The following AZIN2 variants were observed in gnomAD, a reference collection of about 807,000 sequenced individuals.
The protein encoded by AZIN2 is ODC antizyme inhibitor-2.
AZIN2 carries 28 observed loss-of-function variants against 47.8 expected under a neutral mutation model. That is an observed-to-expected ratio of 0.59 (90% CI 0.43 to 0.80). The LOEUF is 0.80. Ranked by LOEUF, AZIN2 falls within the 30% of genes least tolerant of loss-of-function variation. The pLI is 0.00. For missense variants in AZIN2, 535 were observed against 582.5 expected, an observed-to-expected ratio of 0.92 and a Z score of 0.84; for synonymous variants, 221 against 239.4, an observed-to-expected ratio of 0.92 and a Z score of 0.71.
At chr1:33,093,655 G>T (rs1247994501) in intron 7 of AZIN2, among the ~76,000 whole-genome samples, 1 of 151,988 alleles carries the variant, frequency 6.6e-6, no homozygotes, top group East Asian at 1.9e-4. Flanking sequence ...ACCTGGCTTT[G>T]AGGGAGTCTT....
the AZIN2 span, among the ~76,000 whole-genome samples, chr1:33,150,525 T>C: frequency 6.6e-6 from 1 of 152,238 alleles, no homozygotes; most frequent in Non-Finnish European, 1.5e-5. Flanking sequence ...GAGGGCTGTA[T>C]GGAAGTAATT....
At chr1:33,147,046 G>T in the AZIN2 span, 1 of 908,712 alleles carries the variant, frequency 1.1e-6, no homozygotes, top group Non-Finnish European at 1.7e-6. The surrounding 1 kb of genome is among the most constrained non-coding windows in gnomAD (Gnocchi z 8.1). Flanking sequence ...CAGACTGGAG[G>T]CTGGAGGGTA....
At chr1:33,118,201 G>A in intron 11 of AZIN2, 85 bp downstream of exon 11, 1 of 1,392,646 alleles carries the variant, frequency 7.2e-7, no homozygotes, top group Non-Finnish European at 9.5e-7. Flanking sequence ...TTCTGCTTCT[G>A]TGTAATCCAA....
Position 33,082,183 on chromosome 1 carries a change from T to G in AZIN2, c.-67T>G. 1 of 1,346,742 alleles carries G rather than the reference T, an allele frequency of 7.4e-7. No individual in the cohort carries two copies. The highest frequency in any genetic ancestry group is 1.1e-6 in the Non-Finnish European group (1 of 947,988). The allele number at this position is 1,346,742 out of a possible 1,614,324, so 83.4% of individuals were successfully genotyped here. A position where few individuals can be genotyped will look rare whatever the true frequency, so the allele number is the denominator to read the frequency against. ...CATCTCCCCTCGCCCCGCAGTGTGT[T>G]GCATACTTTCTAAGGCGGCGGCTGC... On this transcript the variant is annotated 5_prime_UTR_variant, in exon 4 of 12. Transcript: ENST00000294517.
chr1:33,162,195 A>G, the AZIN2 span, among the ~76,000 whole-genome samples: 1 of 152,136 alleles, frequency 6.6e-6, no homozygotes, highest in Non-Finnish European at 1.5e-5. Flanking sequence ...GCTCCTTGAC[A>G]CATAGTAAAA....
the AZIN2 span, among the ~76,000 whole-genome samples, chr1:33,154,024 C>G: frequency 6.6e-6 from 1 of 152,156 alleles, no homozygotes; most frequent in Non-Finnish European, 1.5e-5. Flanking sequence ...GTTTTATAAA[C>G]TAAGATGCCA....
chr1:33,149,768 C>G, the AZIN2 span, among the ~76,000 whole-genome samples: 1 of 152,192 alleles, frequency 6.6e-6, no homozygotes, highest in African/African-American at 2.4e-5. Context: ...AATTCTTTAG[C>G]TTTATTTGTG....
At chr1:33,083,654 G>A (rs537333043) in intron 4 of AZIN2, 2 of 447,214 alleles carry the variant, frequency 4.5e-6, no homozygotes, top group Non-Finnish European at 8.3e-6. Context: ...CACAGGAGTG[G>A]GGAGGGTATT....
chr1:33,159,504 GC>G, the AZIN2 span, among the ~76,000 whole-genome samples: 1 of 152,148 alleles, frequency 6.6e-6, no homozygotes, highest in East Asian at 1.9e-4. This position sits in a 1 kb window ranked among gnomAD's most constrained non-coding sequence, Gnocchi z 4.2. Flanking sequence ...TCTAGTTCAA[GC>G]CTCACTGGCT....
chr1:33,147,408 G>C, the AZIN2 span: 1 of 1,614,162 alleles, frequency 6.2e-7, no homozygotes, highest in South Asian at 1.1e-5. This position sits in a 1 kb window ranked among gnomAD's most constrained non-coding sequence, Gnocchi z 8.1. Context: ...GCTCCGTGCA[G>C]GCGCTGTACT....
chr1:33,098,479 A>G (rs1432920940), intron 10 of AZIN2, among the ~76,000 whole-genome samples: 1 of 152,114 alleles, frequency 6.6e-6, no homozygotes, highest in African/African-American at 2.4e-5. Context: ...ATGCTTTTGT[A>G]TTTTAACCAA....
At chr1:33,145,358 C>G in the AZIN2 span, 1 of 156,722 alleles carries the variant, frequency 6.4e-6, no homozygotes, top group East Asian at 1.9e-4. Flanking sequence ...TGGGACAGAG[C>G]TGGGTGGGCC....
chr1:33,096,505 C>T (rs1425695364), intron 8 of AZIN2, among the ~76,000 whole-genome samples: 4 of 152,282 alleles, frequency 2.6e-5, no homozygotes, highest in East Asian at 1.9e-4. Context: ...TACACAAGCA[C>T]GAGGCTCTCT....
intron 10 of AZIN2, among the ~76,000 whole-genome samples, chr1:33,115,618 C>T (rs1362334117): frequency 6.7e-3 from 1 of 150 alleles, no homozygotes; most frequent in Non-Finnish European, 0.012. Context: ...ACAGGAGAAT[C>T]GCTGAACCCA....
In AZIN2 at chr1:33,120,179, G is replaced by A; in HGVS notation, c.1380G>A (p.Met460Ile). 6.2e-7 allele frequency: 1 copy of A among 1,604,120 alleles called. No homozygotes were observed. The highest frequency in any genetic ancestry group is 8.5e-7 in the Non-Finnish European group (1 of 1,172,108). ...VGPVFTPASI[M>I] The stretch of plus-strand genomic sequence containing the variant: ...CTGTCTTCACCCCAGCGAGCATCAT[G>A]TGAGTGGGCCTCGTTCCCCCCGGAG... The change falls in exon 12 of 12, where the codon ATG (methionine) becomes ATA (isoleucine). Residue 460 changes from methionine to isoleucine, a missense_variant. By Grantham distance (10) the Met-to-Ile change is conservative (BLOSUM62 1). This residue lies in a region of AZIN2 where 122 missense variants were observed against 135.8 expected (regional missense o/e 0.90). Coordinates refer to ENST00000294517, the MANE Select transcript of AZIN2 (RefSeq NM_052998.4).
chr1:33,165,182 C>T, the AZIN2 span: 1 of 312,806 alleles, frequency 3.2e-6, no homozygotes, highest in South Asian at 5.4e-5. This position sits in a 1 kb window ranked among gnomAD's most constrained non-coding sequence, Gnocchi z 4.0. Flanking sequence ...GTCCCGGGAC[C>T]CGCCTCAACT....
At chr1:33,160,036 A>G in the AZIN2 span, 1 of 1,528,974 alleles carries the variant, frequency 6.5e-7, no homozygotes, top group Non-Finnish European at 8.8e-7. Flanking sequence ...TGACACACAG[A>G]GAGGAAAGGG....
chr1:33,151,773 G>C, the AZIN2 span, among the ~76,000 whole-genome samples: 1 of 152,220 alleles, frequency 6.6e-6, no homozygotes, highest in Non-Finnish European at 1.5e-5. Flanking sequence ...CATTCAGGAA[G>C]GATCATGGAC....
At chr1:33,141,511 A>G in the AZIN2 span, among the ~76,000 whole-genome samples, 13 of 150,332 alleles carry the variant, frequency 8.6e-5, no homozygotes, top group African/African-American at 3.3e-4. Context: ...ATTCGATCAC[A>G]TCTAGTCTCA....
Sources: gnomAD v4.1 joint callset for allele counts (sites outside exome capture counted in the v4.1 genomes callset) on GRCh38, gnomAD v4.1.1 for gene constraint, gnomAD v4.1.1 regional missense constraint, Gnocchi (gnomAD v3.1) non-coding constraint, MANE v1.5 for transcripts, NCBI Gene and HGNC (gene_info 2026-07-23, HGNC 2026-07-21) for gene names.